Variants in AHNAK2 observed in about 807,000 individuals in gnomAD.
AHNAK2 encodes protein AHNAK2.
Under a neutral mutation model 30.7 loss-of-function variants are expected in AHNAK2, and 18 were observed. The ratio of observed to expected loss-of-function variants is 0.59; its 90% confidence interval spans 0.41 to 0.87. AHNAK2 has a LOEUF of 0.87. Among genes scored for constraint, AHNAK2 ranks in the 40% least tolerant of loss-of-function variants. The probability of loss-of-function intolerance (pLI) is 0.00; values close to 1 mark genes in which losing one functional copy is unlikely to be tolerated. For synonymous variants in AHNAK2, 3,590 were observed against 3,073.8 expected, an observed-to-expected ratio of 1.17 and a Z score of -5.56; for missense variants, 8,604 against 7,373.0, an observed-to-expected ratio of 1.17 and a Z score of -6.11.
In AHNAK2 at chr14:104,945,906, A is replaced by G. The variant is rs1898241611; in HGVS notation, c.9545T>C (p.Met3182Thr). ...GTCAGTGTTCTTCAGGTCCCCCTGC[A>G]TGGAGGGGAGGCTCAGGTCGGCCTC... ...KVEADLSLPSMQGDLKNTDIS... is the reference protein window; with the variant it reads ...KVEADLSLPSTQGDLKNTDIS... The change falls in exon 7 of 7, where the codon ATG becomes ACG. Residue 3182 changes from methionine (M) to threonine (T), a missense_variant. Transcript: ENST00000333244. 1.6e-6 allele frequency: 2 copies of G among 1,249,068 alleles called. No homozygotes were observed. The highest frequency in any genetic ancestry group is 1.4e-5 in the African/African-American group (1 of 69,826). The allele number at this position is 1,249,068 out of a possible 1,614,324, so 77.4% of individuals were successfully genotyped here. A position where few individuals can be genotyped will look rare whatever the true frequency, so the allele number is the denominator to read the frequency against.
rs746800970 is a variant in AHNAK2, at chr14:104,947,443, A to G, written c.8008T>C (p.Leu2670=). The part of the protein sequence containing the change: ...VSAPGESIEA[L]VDVSELKVEA... ...ACCTTCAGCTCAGACACATCCACCA[A>G]CGCCTCGATGGACTCGCCTGGGGCC... The change falls in exon 7 of 7, where the codon TTG becomes CTG. Residue 2670 remains leucine, a synonymous_variant. Transcript: ENST00000333244. The G allele has an allele frequency of 6.2e-7, 1 of 1,611,192 alleles. No homozygotes were observed. The highest frequency in any genetic ancestry group is 1.4e-5 in the African/African-American group (1 of 73,830).
At position 104,938,845 on chromosome 14, in the gene AHNAK2, T is replaced by C; in HGVS notation, c.16606A>G (p.Thr5536Ala). 1 of 1,613,974 alleles carries C rather than the reference T, an allele frequency of 6.2e-7. No individual in the cohort carries two copies. The highest frequency in any genetic ancestry group is 8.5e-7 in the Non-Finnish European group (1 of 1,179,900). Residue 5536 changes from threonine to alanine, a missense_variant, in exon 7 of 7, where the codon ACA becomes GCA. Thr to Ala is a moderately conservative substitution (Grantham distance 58, BLOSUM62 0). Transcript: ENST00000333244. ...PEPHTQARVY[T>A]TMTQHSRTQE... ...GTCCTAGAGTGTTGAGTCATTGTTGTGTACACTCTAGCCTGCGTGTGGGGC... is the reference window on the plus strand; with the variant it reads ...GTCCTAGAGTGTTGAGTCATTGTTGCGTACACTCTAGCCTGCGTGTGGGGC...
At position 104,950,059 on chromosome 14, in the gene AHNAK2, C is replaced by T. The variant is rs377434625; in HGVS notation, c.5392G>A (p.Ala1798Thr). The T allele has an allele frequency of 3.4e-5, 54 of 1,586,950 alleles. 6 individuals are homozygous for T. In the African/African-American group the frequency reaches 6.4e-4, roughly 19 times the overall value. The change falls in exon 7 of 7, where the codon GCC (alanine) becomes ACC (threonine). Residue 1798 changes from alanine to threonine, a missense_variant. Physicochemically the swap from Ala to Thr is moderately conservative, Grantham distance 58. Transcript: ENST00000333244. ...SVEVDVEAPG[A>T]KLDSVRLEGD... is the part of the protein sequence containing the mutation. Reference sequence around the variant, plus strand: ...TCCAGCCGCACACTGTCCAGCTTGGCTCCTGGAGCCTCGACGTCCACCTCC... The same window carrying T: ...TCCAGCCGCACACTGTCCAGCTTGGTTCCTGGAGCCTCGACGTCCACCTCC...
chr14:104,942,856 C>G lies in AHNAK2; in HGVS notation c.12595G>C (p.Val4199Leu). 1 of 1,612,512 alleles carries G rather than the reference C, an allele frequency of 6.2e-7. No individual in the cohort carries two copies. The highest frequency in any genetic ancestry group is 8.5e-7 in the Non-Finnish European group (1 of 1,179,440). The change falls in exon 7 of 7, where the codon GTG becomes CTG. Residue 4199 changes from valine to leucine, a missense_variant. Transcript: ENST00000333244. ...DLEVQAGQVD[V>L]KLPEGPLPKG... ...GGCAGGGGGCCCTCCGGGAGTTTCA[C>G]GTCCACTTGGCCAGCCTGGACCTCC...
In AHNAK2 at chr14:104,949,958, C is replaced by T. The variant is rs200753593; in HGVS notation, c.5493G>A (p.Pro1831=). ...TGCCTGGGGCAGACACCCCGAACGA[C>T]GGCATCTTGAACTTGGGCATTTTGA... ...SKFKMPKFKM[P]SFGVSAPGKS... The change falls in exon 7 of 7, where the codon CCG becomes CCA. Residue 1831 remains proline, a synonymous_variant. Coordinates refer to ENST00000333244, the MANE Select transcript of AHNAK2 (RefSeq NM_138420.4). The T allele has an allele frequency of 5.7e-3, 8,950 of 1,582,954 alleles. 333 individuals are homozygous for T. The highest frequency in any genetic ancestry group is 0.039 in the African/African-American group (2,706 of 70,168).
chr14:104,976,308 C>G (rs1181713338), intron 1 of AHNAK2, among the ~76,000 whole-genome samples: 4 of 152,188 alleles, frequency 2.6e-5, no homozygotes, highest in Non-Finnish European at 5.9e-5. Context: ...GCACAAAAGC[C>G]GCCCAGGAGA....
rs1490728397 is a variant in AHNAK2, at chr14:104,940,177, C to T, written c.15274G>A (p.Val5092Ile). 14 of 1,613,462 alleles carry T rather than the reference C, an allele frequency of 8.7e-6. No individual in the cohort carries two copies. Among genetic ancestry groups the T allele is most frequent in the Admixed American group, 1.7e-5 (1 of 60,004 alleles). The change falls in exon 7 of 7, where the codon GTC becomes ATC. Residue 5092 changes from valine (V) to isoleucine (I), a missense_variant. Physicochemically the swap from Val to Ile is conservative, Grantham distance 29 (BLOSUM62 3). Coordinates refer to ENST00000333244, the MANE Select transcript of AHNAK2 (RefSeq NM_138420.4). This position sits in a 1 kb window ranked among gnomAD's most constrained non-coding sequence, Gnocchi z 4.4. ...GCAAAGCCCAAACTGGGAATGTGGA[C>T]CTGTGGCCGGTGGAGGTTCACACCC... The part of the protein sequence containing the change: ...SEGVNLHRPQ[V>I]HIPSLGFAKP...
rs377725941 is a variant in AHNAK2, at chr14:104,953,843, C to G, written c.1608G>C (p.Gly536=). Residue 536 remains glycine, a synonymous_variant, in exon 7 of 7, where the codon GGG becomes GGC. Coordinates refer to ENST00000333244, the MANE Select transcript of AHNAK2 (RefSeq NM_138420.4). ...GLKGEEVEGA[G]WMPGREPTTH... ...TGGTTGGTTCCCTGCCCGGCATCCACCCGGCTCCTTCCACCTCCTCACCCT... is the reference window on the plus strand; with the variant it reads ...TGGTTGGTTCCCTGCCCGGCATCCAGCCGGCTCCTTCCACCTCCTCACCCT... 1.5e-5 allele frequency: 24 copies of G among 1,614,020 alleles called. No homozygotes were observed. Among genetic ancestry groups the G allele is most frequent in the Non-Finnish European group, 2.0e-5 (24 of 1,179,906 alleles).
rs536064909 is a variant in AHNAK2 at position 104,948,689 on chromosome 14, G to A, written c.6762C>T (p.Pro2254=). The A allele has an allele frequency of 1.3e-4, 208 of 1,609,214 alleles. 8 individuals are homozygous for A. In the Middle Eastern group the frequency reaches 3.5e-3, roughly 27 times the overall value. ...FKVPKVDLKG[P]EIDIKGPKLD... The stretch of plus-strand genomic sequence containing the variant: ...GCTTGGGGCCCTTGATGTCTATTTC[G>A]GGGCCCTTGAGGTCCACTTTGGGCA... Residue 2254 remains proline, a synonymous_variant, in exon 7 of 7, where the codon CCC becomes CCT. Coordinates refer to ENST00000333244, the MANE Select transcript of AHNAK2 (RefSeq NM_138420.4).
At position 104,947,783 on chromosome 14, in the gene AHNAK2, C is replaced by G; in HGVS notation, c.7668G>C (p.Val2556=). ...QVDVKLPEGP[V]PEGAGLKGHL... ...GCCCTTTGAGGCCGGCTCCCTCCGG[C>G]ACAGGGCCCTCTGGGAGTTTCACGT... The change falls in exon 7 of 7, where the codon GTG becomes GTC. Residue 2556 remains valine (V), a synonymous_variant. Transcript: ENST00000333244. 1 of 1,611,900 alleles carries G rather than the reference C, an allele frequency of 6.2e-7. No individual in the cohort carries two copies. Among genetic ancestry groups the G allele is most frequent in the Non-Finnish European group, 8.5e-7 (1 of 1,179,334 alleles).
Position 104,947,976 on chromosome 14 carries a change from G to A in AHNAK2, c.7475C>T (p.Ser2492Leu), listed in dbSNP as rs1238349733. 3 of 1,612,630 alleles carry A rather than the reference G, an allele frequency of 1.9e-6. No individual in the cohort carries two copies. The highest frequency in any genetic ancestry group is 2.7e-5 in the African/African-American group (2 of 74,310). ...CTTGCCTGGGGCAGACACCCCGAAT[G>A]ACGGCATCTTGAACTTGGGAATTTT... is the stretch of plus-strand genomic sequence containing the variant. ...RFKIPKFKMP[S>L]FGVSAPGKSI... The change falls in exon 7 of 7, where the codon TCA becomes TTA. Residue 2492 changes from serine (S) to leucine (L), a missense_variant. Coordinates refer to ENST00000333244, the MANE Select transcript of AHNAK2 (RefSeq NM_138420.4).
At position 104,938,441 on chromosome 14, in the gene AHNAK2, C is replaced by T. The variant is rs956946525; in HGVS notation, c.17010G>A (p.Gln5670=). Residue 5670 remains glutamine, a synonymous_variant, in exon 7 of 7, where the codon CAG becomes CAA. Coordinates refer to ENST00000333244, the MANE Select transcript of AHNAK2 (RefSeq NM_138420.4). ...GCTGTGTTTGAATGGGAGCAGATCT[C>T]TGGACGTCATTTTTGGAATCAACAC... ...ETGVDSKNDV[Q]RSAPIQTQPE... 1.2e-6 allele frequency: 2 copies of T among 1,613,792 alleles called. No homozygotes were observed. Among genetic ancestry groups the T allele is most frequent in the African/African-American group, 2.7e-5 (2 of 74,928 alleles).
At position 104,952,581 on chromosome 14, in the gene AHNAK2, C is replaced by A. The variant is rs200038870; in HGVS notation, c.2870G>T (p.Gly957Val). 937 of 1,610,058 alleles carry A rather than the reference C, an allele frequency of 5.8e-4. 28 individuals are homozygous for A. In the African/African-American group the frequency reaches 9.3e-3, roughly 16 times the overall value. ...CTCCATGCTGGGCAGAGACACCTCGCCATCGGGGGCTGTCACTTCCGCCTT... is the reference window on the plus strand; with the variant it reads ...CTCCATGCTGGGCAGAGACACCTCGACATCGGGGGCTGTCACTTCCGCCTT... ...GPKAEVTAPD[G>V]EVSLPSMEVD... The change falls in exon 7 of 7, where the codon GGC becomes GTC. Residue 957 changes from glycine (G) to valine (V), a missense_variant. Coordinates refer to ENST00000333244, the MANE Select transcript of AHNAK2 (RefSeq NM_138420.4).
rs1315464453 is a variant in AHNAK2, at chr14:104,945,395, C to T, written c.10056G>A (p.Lys3352=). The change falls in exon 7 of 7, where the codon AAG becomes AAA. Residue 3352 remains lysine (K), a synonymous_variant. Transcript: ENST00000333244. ...GGAGCTGAATGCTGAGGTCAGTGGT[C>T]TTGAGGTCCCCCTGCATGGAGGGGA... is the stretch of plus-strand genomic sequence containing the variant. ...VSLPSMQGDL[K]TTDLSIQLPS... is the part of the protein sequence containing the mutation. The T allele has an allele frequency of 6.2e-7, 1 of 1,612,986 alleles. No homozygotes were observed. The highest frequency in any genetic ancestry group is 8.5e-7 in the Non-Finnish European group (1 of 1,179,622).
rs142127908 is a variant in AHNAK2 at position 104,949,325 on chromosome 14, A to G, written c.6126T>C (p.Ser2042=). The change falls in exon 7 of 7, where the codon TCT becomes TCC. Residue 2042 remains serine, a synonymous_variant. Coordinates refer to ENST00000333244, the MANE Select transcript of AHNAK2 (RefSeq NM_138420.4). ...KTTDLSIQPP[S]ADLKVQTGQV... ...GGCCAGTCTGGACCTTCAGGTCGGC[A>G]GAAGGGGGCTGAATGCTGAGGTCAG... is the stretch of plus-strand genomic sequence containing the variant. 6.0e-4 allele frequency: 459 copies of G among 765,166 alleles called. 129 individuals are homozygous for G. The highest frequency in any genetic ancestry group is 1.7e-3 in the Middle Eastern group (4 of 2,336). The allele number at this position is 765,166 out of a possible 1,614,324, so 47.4% of individuals were successfully genotyped here. A position where few individuals can be genotyped will look rare whatever the true frequency, so the allele number is the denominator to read the frequency against.
In AHNAK2 at chr14:104,947,855, G is replaced by C. The variant is rs760474968; in HGVS notation, c.7596C>G (p.Ser2532Arg). The change falls in exon 7 of 7, where the codon AGC becomes AGG. Residue 2532 changes from serine to arginine, a missense_variant. By Grantham distance (110) the Ser-to-Arg change is moderately radical. Transcript: ENST00000333244. ...MQGDLKATDL[S>R]IQPPSADLEV... ...CCAGGTCAGCGGAAGGGGGCTGAAT[G>C]CTGAGGTCAGTGGCCTTGAGGTCCC... 114 of 1,612,684 alleles carry C rather than the reference G, an allele frequency of 7.1e-5. No homozygotes were observed. Among genetic ancestry groups the C allele is most frequent in the Non-Finnish European group, 9.4e-5 (111 of 1,179,604 alleles).
At position 104,952,848 on chromosome 14, in the gene AHNAK2, C is replaced by T. The variant is rs763305346; in HGVS notation, c.2603G>A (p.Ser868Asn). Residue 868 changes from serine to asparagine, a missense_variant, in exon 7 of 7, where the codon AGC (serine) becomes AAC (asparagine). Ser to Asn is a conservative substitution (Grantham distance 46, BLOSUM62 1). Transcript: ENST00000333244. The stretch of plus-strand genomic sequence containing the variant: ...GAGGTCCCCCTGCATGGAGGAGAGG[C>T]TCACGTCGGCCTCCACCTTCGGCGC... Reference protein sequence around the residue: ...VSAPKVEADVSLSSMQGDLKA... With the variant: ...VSAPKVEADVNLSSMQGDLKA... 8.7e-6 allele frequency: 14 copies of T among 1,612,574 alleles called. No individual in the cohort carries two copies. The highest frequency in any genetic ancestry group is 1.2e-5 in the Non-Finnish European group (14 of 1,179,618).
Position 104,957,477 on chromosome 14 carries a change from C to T in AHNAK2, c.146G>A (p.Arg49Gln), listed in dbSNP as rs373841247. The T allele has an allele frequency of 6.2e-6, 10 of 1,601,544 alleles. No homozygotes were observed. The highest frequency in any genetic ancestry group is 2.2e-5 in the East Asian group (1 of 44,500). Reference sequence around the variant, plus strand: ...AGGTGAAGACCCCTGCGGCCGTGGTCGAATGCCCTCATCCGCAGGCCCTTC... The same window carrying T: ...AGGTGAAGACCCCTGCGGCCGTGGTTGAATGCCCTCATCCGCAGGCCCTTC... Reference protein sequence around the residue: ...VTEGPADEGIRPRPQGSSPVY... With the variant: ...VTEGPADEGIQPRPQGSSPVY... The change falls in exon 3 of 7, where the codon CGA becomes CAA. Residue 49 changes from arginine (R) to glutamine (Q), a missense_variant. Arg to Gln is a conservative substitution (Grantham distance 43). Transcript: ENST00000333244.
chr14:104,955,981 C>T (rs1236774272), intron 4 of AHNAK2, among the ~76,000 whole-genome samples: 1 of 152,150 alleles, frequency 6.6e-6, no homozygotes, highest in Non-Finnish European at 1.5e-5. Context: ...ATGCATTCTT[C>T]ACAAACGCGT....
Sources: gnomAD v4.1 joint callset for allele counts (sites outside exome capture counted in the v4.1 genomes callset) on GRCh38, gnomAD v4.1.1 for gene constraint, Gnocchi (gnomAD v3.1) non-coding constraint, MANE v1.5 for transcripts, NCBI Gene and HGNC (gene_info 2026-07-23, HGNC 2026-07-21) for gene names.